Variants in SPATA6 observed in about 807,000 individuals in gnomAD.
SPATA6 encodes the protein spermatogenesis-associated protein 6.
A neutral mutation model predicts 65.3 loss-of-function variants in SPATA6; 56 were observed. The ratio of observed to expected loss-of-function variants is 0.86; its 90% CI spans 0.69 to 1.07. The LOEUF (loss-of-function observed/expected upper bound fraction) is 1.07. Among genes scored for constraint, SPATA6 ranks in the 50% least tolerant of loss-of-function variants. SPATA6 has a pLI of 0.00. For missense variants in SPATA6, 590 were observed against 594.8 expected, an observed-to-expected ratio of 0.99 and a Z score of 0.08; for synonymous variants, 199 against 213.2, an observed-to-expected ratio of 0.93 and a Z score of 0.58.
chr1:48,451,698 T>C, intron 2 of SPATA6, 98 bp from the exon 3 acceptor site: 1 of 1,200,872 alleles, frequency 8.3e-7, no homozygotes, highest in Non-Finnish European at 1.2e-6. Flanking sequence ...TCACAGAAAC[T>C]TTTGACATTA....
chr1:48,401,065 T>C (rs567519525), intron 6 of SPATA6, among the ~76,000 whole-genome samples: 48 of 152,204 alleles, frequency 3.2e-4, no homozygotes, highest in Admixed American at 2.6e-3. Context: ...ATTTAATAAA[T>C]ATGCAGATCC....
At chr1:48,372,134 C>T (rs192052893) in intron 9 of SPATA6, among the ~76,000 whole-genome samples, 9 of 152,188 alleles carry the variant, frequency 5.9e-5, no homozygotes, top group Admixed American at 1.3e-4. Flanking sequence ...CCCCAAAGTC[C>T]GAACTCATTT....
chr1:48,397,660 G>C (rs971718821), intron 7 of SPATA6, among the ~76,000 whole-genome samples: 1 of 151,530 alleles, frequency 6.6e-6, no homozygotes. Context: ...TTACCTATTT[G>C]CTAAGTGCTT....
chr1:48,277,555 G>A, the SPATA6 span, among the ~76,000 whole-genome samples: 6 of 152,202 alleles, frequency 3.9e-5, no homozygotes, highest in African/African-American at 1.2e-4. Context: ...AGGGTCCTAC[G>A]CCCACAGAGT....
intron 3 of SPATA6, among the ~76,000 whole-genome samples, chr1:48,438,375 T>G (rs1655142011): frequency 6.6e-6 from 1 of 152,178 alleles, no homozygotes; most frequent in Non-Finnish European, 1.5e-5. Flanking sequence ...AGGCACCTGT[T>G]GGCCAGTTAA....
At chr1:48,446,006 A>G (rs905655104) in intron 3 of SPATA6, among the ~76,000 whole-genome samples, 1 of 152,218 alleles carries the variant, frequency 6.6e-6, no homozygotes, top group Non-Finnish European at 1.5e-5. Flanking sequence ...TAGGAGAGAG[A>G]AGCCACATAG....
chr1:48,377,789 T>C lies in SPATA6; in HGVS notation c.909+7520A>G, dbSNP rs973573840. ...ACGGAACAGAGTATTATAGGTGTAA[T>C]AGAAATTGCTGGCTGCCCACAATTC... On this transcript the variant is annotated intron_variant, in intron 9 of 12. Transcript: ENST00000371847. Among the ~76,000 whole-genome samples, 6 of 152,290 alleles carry C rather than the reference T, an allele frequency of 3.9e-5. No homozygotes were observed. In the East Asian group the frequency reaches 9.6e-4, roughly 24 times the overall value.
chr1:48,364,322 T>C (rs958989474), intron 9 of SPATA6, among the ~76,000 whole-genome samples: 2 of 152,236 alleles, frequency 1.3e-5, no homozygotes, highest in Non-Finnish European at 2.9e-5. Flanking sequence ...TACCCAGTAA[T>C]GGGATGGCTG....
chr1:48,274,640 A>G, the SPATA6 span, among the ~76,000 whole-genome samples: 1 of 152,160 alleles, frequency 6.6e-6, no homozygotes, highest in Admixed American at 6.5e-5. Flanking sequence ...TTCAAAGATC[A>G]TATGGTTGTA....
intron 3 of SPATA6, among the ~76,000 whole-genome samples, chr1:48,429,471 A>G (rs1177165102): frequency 6.6e-6 from 1 of 152,174 alleles, no homozygotes; most frequent in African/African-American, 2.4e-5. Context: ...CAATGAAAAA[A>G]TCGAAAACAA....
intron 9 of SPATA6, among the ~76,000 whole-genome samples, chr1:48,369,378 G>A (rs1178599357): frequency 6.6e-6 from 1 of 152,200 alleles, no homozygotes; most frequent in East Asian, 1.9e-4. Context: ...TGCCCCCAGA[G>A]GTGGAGCCTA....
intron 3 of SPATA6, among the ~76,000 whole-genome samples, chr1:48,443,436 C>G (rs1372365866): frequency 6.6e-6 from 1 of 152,164 alleles, no homozygotes; most frequent in African/African-American, 2.4e-5. Context: ...ACCAGAAAAG[C>G]AGGTTTATCT....
At chr1:48,468,046 C>T (rs1274973244) in intron 1 of SPATA6, among the ~76,000 whole-genome samples, 1 of 151,996 alleles carries the variant, frequency 6.6e-6, no homozygotes, top group African/African-American at 2.4e-5. Flanking sequence ...CCATATAATC[C>T]AGCAATCTCA....
At chr1:48,289,045 A>T in the SPATA6 span, among the ~76,000 whole-genome samples, 1 of 152,060 alleles carries the variant, frequency 6.6e-6, no homozygotes, top group African/African-American at 2.4e-5. Flanking sequence ...ACAGACTGCC[A>T]CCTCAAGTGG....
At chr1:48,316,781 A>C (rs1170659506) in intron 11 of SPATA6, among the ~76,000 whole-genome samples, 6 of 152,140 alleles carry the variant, frequency 3.9e-5, no homozygotes, top group South Asian at 2.1e-4. Flanking sequence ...GCAATCTACT[A>C]ATCTGACAAA....
At position 48,296,726 on chromosome 1, in the gene SPATA6, C is replaced by G. The variant is rs1644818682; in HGVS notation, c.*1987G>C. 1 of 152,072 alleles carries G rather than the reference C, an allele frequency of 6.6e-6. No homozygotes were observed. The highest frequency in any genetic ancestry group is 2.4e-5 in the African/African-American group (1 of 41,396). The allele number at this position is 152,072 out of a possible 1,614,324, so 9.4% of individuals were successfully genotyped here. ...AATACCTCATCATATAATCTACAGC[C>G]AGAGAGTAACTCAGCAATTGTGTAG... On this transcript the variant is annotated 3_prime_UTR_variant, in exon 13 of 13. Transcript: ENST00000371847.
At chr1:48,331,417 C>T (rs958149180) in intron 11 of SPATA6, among the ~76,000 whole-genome samples, 5 of 148,918 alleles carry the variant, frequency 3.4e-5, no homozygotes, top group African/African-American at 1.2e-4. Context: ...AAAAAACCTA[C>T]AAAAATTTCA....
chr1:48,270,045 T>C, the SPATA6 span, among the ~76,000 whole-genome samples: 4 of 152,042 alleles, frequency 2.6e-5, no homozygotes, highest in African/African-American at 7.2e-5. Flanking sequence ...TTCTATGATA[T>C]ACCAAAAAAA....
intron 3 of SPATA6, among the ~76,000 whole-genome samples, chr1:48,439,448 C>A (rs1199454176): frequency 6.6e-6 from 1 of 151,860 alleles, no homozygotes; most frequent in East Asian, 1.9e-4. Context: ...TCAGCAGGGT[C>A]CAGGGACCAT....
Sources: gnomAD v4.1 joint callset for allele counts (sites outside exome capture counted in the v4.1 genomes callset) on GRCh38, gnomAD v4.1.1 for gene constraint, MANE v1.5 for transcripts, NCBI Gene and HGNC (gene_info 2026-07-23, HGNC 2026-07-21) for gene names.